EPHB1: variants seen among roughly 807,000 people sequenced by gnomAD.
EPHB1 encodes ephrin type-B receptor 1.
EPHB1 carries 30 observed loss-of-function variants against 94.4 expected under a neutral mutation model. The ratio of observed to expected loss-of-function variants is 0.32; its 90% CI spans 0.24 to 0.43. EPHB1 has a LOEUF of 0.43. EPHB1 is among the 20% of genes least tolerant of loss of function. EPHB1 has a pLI of 1.00. For missense variants in EPHB1, 1,055 were observed against 1,308.3 expected, an observed-to-expected ratio of 0.81 and a Z score of 2.99; for synonymous variants, 522 against 489.1, an observed-to-expected ratio of 1.07 and a Z score of -0.89.
At chr3:135,204,938 C>G (rs183921199) in intron 12 of EPHB1, among the ~76,000 whole-genome samples, 1 of 142,568 alleles carries the variant, frequency 7.0e-6, no homozygotes, top group Admixed American at 7.0e-5. Flanking sequence ...ACCACCACCC[C>G]CTACCACCAC....
chr3:134,962,684 C>T (rs1011187275), intron 3 of EPHB1, among the ~76,000 whole-genome samples: 4 of 152,190 alleles, frequency 2.6e-5, no homozygotes, highest in Non-Finnish European at 5.9e-5. Flanking sequence ...CTTCACCCCA[C>T]ATCCTTTCCT....
rs143159067 is a variant in EPHB1 at position 134,813,219 on chromosome 3, A to G, written c.58+17530A>G. Among the ~76,000 whole-genome samples, 245 of 152,294 alleles carry G rather than the reference A, an allele frequency of 1.6e-3. 5 individuals are homozygous for G. In the South Asian group the frequency reaches 0.023, roughly 14 times the overall value. ...GGGGAGTGTGTGCGCCTCAGCAGGA[A>G]GCCATAATTCACATGACCTGGGATT... On this transcript the variant is annotated intron_variant, in intron 1 of 15. Coordinates refer to ENST00000398015, the MANE Select transcript of EPHB1 (RefSeq NM_004441.5).
intron 12 of EPHB1, among the ~76,000 whole-genome samples, chr3:135,226,346 C>A (rs2107722224): frequency 6.6e-6 from 1 of 152,376 alleles, no homozygotes; most frequent in Admixed American, 6.5e-5. Flanking sequence ...TCTTTTATCA[C>A]AGTACCTCTG....
At chr3:135,017,850 C>T (rs559642373) in intron 3 of EPHB1, among the ~76,000 whole-genome samples, 1 of 152,274 alleles carries the variant, frequency 6.6e-6, no homozygotes, top group African/African-American at 2.4e-5. Context: ...CCATGCAGGG[C>T]CTGAACTGCT....
intron 7 of EPHB1, among the ~76,000 whole-genome samples, chr3:135,163,122 T>C (rs908724965): frequency 6.6e-6 from 1 of 152,242 alleles, no homozygotes; most frequent in African/African-American, 2.4e-5. Flanking sequence ...TTTAGGCCAA[T>C]GCTCTCAGTC....
chr3:135,156,656 A>T (rs1941365871), intron 6 of EPHB1, among the ~76,000 whole-genome samples: 1 of 152,250 alleles, frequency 6.6e-6, no homozygotes, highest in Non-Finnish European at 1.5e-5. Flanking sequence ...GCGGCATTCT[A>T]TTCTACTTAG....
chr3:135,138,269 C>A (rs1318599774), intron 5 of EPHB1, among the ~76,000 whole-genome samples: 1 of 152,168 alleles, frequency 6.6e-6, no homozygotes, highest in Non-Finnish European at 1.5e-5. Context: ...TTACAAGCCC[C>A]TATAGTTTGT....
chr3:135,226,675 G>T (rs1943411707), intron 12 of EPHB1, among the ~76,000 whole-genome samples: 1 of 152,168 alleles, frequency 6.6e-6, no homozygotes, highest in African/African-American at 2.4e-5. Context: ...ACACCTGGGG[G>T]AGGAATAATC....
At chr3:135,136,545 C>A (rs1264314314) in intron 5 of EPHB1, among the ~76,000 whole-genome samples, 2 of 152,142 alleles carry the variant, frequency 1.3e-5, no homozygotes, top group Non-Finnish European at 2.9e-5. Flanking sequence ...TAGGTCAGAG[C>A]AGTTTTGAAT....
At chr3:134,905,295 G>C (rs554995080) in intron 1 of EPHB1, among the ~76,000 whole-genome samples, 1 of 152,220 alleles carries the variant, frequency 6.6e-6, no homozygotes, top group African/African-American at 2.4e-5. Context: ...CTCTGAAGCC[G>C]ACATATTTTC....
intron 13 of EPHB1, among the ~76,000 whole-genome samples, chr3:135,247,077 TTTG>T (rs547462301): frequency 3.2e-4 from 48 of 152,314 alleles, no homozygotes; most frequent in African/African-American, 1.1e-3. Context: ...AATTATTTCC[TTTG>T]TTGTTTAAAA....
chr3:135,085,291 T>C (rs1559823772), intron 3 of EPHB1, among the ~76,000 whole-genome samples: 1 of 152,208 alleles, frequency 6.6e-6, no homozygotes, highest in Non-Finnish European at 1.5e-5. Flanking sequence ...CCCAAGTGTA[T>C]TACCTGGTCT....
chr3:135,154,105 A>G (rs761385867), intron 5 of EPHB1, 47 bp from the exon 6 acceptor site: 40 of 1,612,002 alleles, frequency 2.5e-5, no homozygotes, highest in Middle Eastern at 1.7e-4. Context: ...CCCTTCCCCT[A>G]TAATTGAGTG....
At chr3:135,095,024 G>C (rs1938707124) in intron 3 of EPHB1, among the ~76,000 whole-genome samples, 1 of 152,222 alleles carries the variant, frequency 6.6e-6, no homozygotes, top group African/African-American at 2.4e-5. Flanking sequence ...TGCAGATGCA[G>C]CTGCTGCAGG....
chr3:134,943,455 C>T (rs994939373), intron 2 of EPHB1, among the ~76,000 whole-genome samples: 1 of 152,202 alleles, frequency 6.6e-6, no homozygotes, highest in Non-Finnish European at 1.5e-5. Context: ...ATGCAAGAGA[C>T]AGGCCAGATG....
intron 3 of EPHB1, among the ~76,000 whole-genome samples, chr3:134,956,159 G>A (rs953468434): frequency 5.3e-5 from 8 of 152,108 alleles, no homozygotes; most frequent in African/African-American, 1.9e-4. Flanking sequence ...CTAGAAGCTC[G>A]AGGGCTGCAG....
chr3:134,908,451 G>A (rs2038382587), intron 1 of EPHB1, among the ~76,000 whole-genome samples: 1 of 152,206 alleles, frequency 6.6e-6, no homozygotes, highest in Non-Finnish European at 1.5e-5. Context: ...TGCAGGGAAG[G>A]GGATTTGTTC....
At position 135,250,977 on chromosome 3, in the gene EPHB1, C is replaced by T. The variant is rs530139292; in HGVS notation, c.2846+1486C>T. On this transcript the variant is annotated intron_variant, in intron 15 of 15. Transcript: ENST00000398015. ...TGATCCACCCCTATAGCTGAGCCCC[C>T]AGGGACAGCTTCCTGACATTCCAAC... Among the ~76,000 whole-genome samples, 4 of 152,030 alleles carry T rather than the reference C, an allele frequency of 2.6e-5. No homozygotes were observed. In the East Asian group the frequency reaches 5.8e-4, roughly 22 times the overall value.
chr3:134,825,520 T>C (rs764148124), intron 1 of EPHB1, among the ~76,000 whole-genome samples: 6 of 152,230 alleles, frequency 3.9e-5, no homozygotes, highest in Non-Finnish European at 7.3e-5. Context: ...TGGACCCTCT[T>C]TGGGTACCAT....
Sources: allele counts gnomAD v4.1 joint callset (sites outside exome capture counted in the v4.1 genomes callset), GRCh38; gene constraint gnomAD v4.1.1; transcripts MANE v1.5; gene names NCBI Gene and HGNC (gene_info 2026-07-23, HGNC 2026-07-21).